SPTBN1: variants seen among roughly 807,000 people sequenced by gnomAD.
The protein encoded by SPTBN1 is spectrin beta chain, non-erythrocytic 1.
Under a neutral mutation model 266.4 loss-of-function variants are expected in SPTBN1, and 32 were observed. The ratio of observed to expected loss-of-function variants is 0.12; its 90% CI spans 0.09 to 0.16. The LOEUF (loss-of-function observed/expected upper bound fraction) is 0.16. Among genes scored for constraint, SPTBN1 ranks in the 10% least tolerant of loss-of-function variants. The pLI is 1.00. For missense variants in SPTBN1, 2,296 were observed against 3,067.1 expected (o/e 0.75, Z 5.94); for synonymous variants, 1,336 against 1,162.2 (o/e 1.15, Z -3.04).
chr2:54,549,632 A>G (rs549215455), intron 2 of SPTBN1, among the ~76,000 whole-genome samples: 54 of 152,316 alleles, frequency 3.5e-4, no homozygotes, highest in African/African-American at 5.3e-4. Context: ...GAGATAAGCA[A>G]TGCTCTCATA....
Position 54,649,923 on chromosome 2 carries a change from C to T in SPTBN1, c.5511C>T (p.Asn1837=). Residue 1837 remains asparagine (N), a synonymous_variant, in exon 26 of 36, where the codon AAC becomes AAT. Transcript: ENST00000356805. The surrounding 1 kb of genome is among the most constrained non-coding windows in gnomAD (Gnocchi z 6.7). ...CTGAGGAGCTTGGGAGAGATCAGAACACAGTGGAGACCTTACAGAGAATGC... is the reference window on the plus strand; with the variant it reads ...CTGAGGAGCTTGGGAGAGATCAGAATACAGTGGAGACCTTACAGAGAATGC... ...KLPEELGRDQ[N]TVETLQRMHT... 6.2e-7 allele frequency: 1 copy of T among 1,614,180 alleles called. No homozygotes were observed. The highest frequency in any genetic ancestry group is 1.1e-5 in the South Asian group (1 of 91,086).
intron 2 of SPTBN1, among the ~76,000 whole-genome samples, chr2:54,576,284 C>A (rs1259215951): frequency 6.6e-6 from 1 of 152,016 alleles, no homozygotes; most frequent in African/African-American, 2.4e-5. Context: ...AAACTCCTAA[C>A]CTCAGGTGAT....
chr2:54,458,382 C>T (rs1438748692), intron 1 of SPTBN1, among the ~76,000 whole-genome samples: 1 of 152,018 alleles, frequency 6.6e-6, no homozygotes, highest in Non-Finnish European at 1.5e-5. Flanking sequence ...AGTACAGTTG[C>T]ATTATTTGGA....
intron 1 of SPTBN1, among the ~76,000 whole-genome samples, chr2:54,480,850 G>T (rs1383181745): frequency 6.6e-6 from 1 of 152,190 alleles, no homozygotes; most frequent in African/African-American, 2.4e-5. Flanking sequence ...TTGCAGGGGA[G>T]TCCATTAGTT....
At chr2:54,638,639 G>A (rs148755961) in intron 18 of SPTBN1, among the ~76,000 whole-genome samples, 11 of 152,308 alleles carry the variant, frequency 7.2e-5, no homozygotes, top group African/African-American at 2.6e-4. Flanking sequence ...CTGATTTCAC[G>A]TGTGAGTTCG....
intron 2 of SPTBN1, among the ~76,000 whole-genome samples, chr2:54,570,503 G>A (rs1435814380): frequency 6.6e-6 from 1 of 152,186 alleles, no homozygotes; most frequent in East Asian, 1.9e-4. Context: ...CTGGTGGCAA[G>A]GAAATTACAT....
chr2:54,502,590 G>C (rs1289256868), intron 1 of SPTBN1, among the ~76,000 whole-genome samples: 4 of 152,212 alleles, frequency 2.6e-5, no homozygotes, highest in African/African-American at 9.7e-5. Flanking sequence ...CAAGGTTCTT[G>C]TACATCAGGA....
chr2:54,473,657 A>G (rs1255876264), intron 1 of SPTBN1, among the ~76,000 whole-genome samples: 1 of 152,108 alleles, frequency 6.6e-6, no homozygotes, highest in African/African-American at 2.4e-5. Context: ...TATATTTTGG[A>G]TAGTTTTCAC....
intron 1 of SPTBN1, among the ~76,000 whole-genome samples, chr2:54,467,261 T>G (rs1242381773): frequency 6.6e-6 from 1 of 151,584 alleles, no homozygotes; most frequent in Non-Finnish European, 1.5e-5. Flanking sequence ...TGGGGGGGCT[T>G]TTTTCTCTTT....
chr2:54,594,003 T>G (rs1675870048), intron 2 of SPTBN1, among the ~76,000 whole-genome samples: 1 of 151,948 alleles, frequency 6.6e-6, no homozygotes, highest in Admixed American at 6.6e-5. Context: ...CGGCTAATTT[T>G]TGTATTTTTA....
intron 2 of SPTBN1, chr2:54,529,766 A>G (rs747897074): frequency 7.3e-6 from 4 of 548,764 alleles, no homozygotes; most frequent in South Asian, 4.2e-5. Flanking sequence ...GCTCCTGATT[A>G]TGATGCTTTG....
At chr2:54,660,992 C>T in intron 32 of SPTBN1, 1 of 985,392 alleles carries the variant, frequency 1.0e-6, no homozygotes, top group African/African-American at 1.7e-5. Context: ...CATTGTGGTT[C>T]ATCCTGATTA....
intron 20 of SPTBN1, 154 bp downstream of exon 20, chr2:54,644,740 A>T (rs1475480140): frequency 9.8e-7 from 1 of 1,016,672 alleles, no homozygotes; most frequent in African/African-American, 1.6e-5. Flanking sequence ...GCATCGTAGA[A>T]CATTTCCAGA....
In SPTBN1 at chr2:54,558,543, C is replaced by T. The variant is rs1250097470; in HGVS notation, c.148+31977C>T. On this transcript the variant is annotated intron_variant, in intron 2 of 35. Coordinates refer to ENST00000356805, the MANE Select transcript of SPTBN1 (RefSeq NM_003128.3). This position sits in a 1 kb window ranked among gnomAD's most constrained non-coding sequence, Gnocchi z 4.6. ...TTTATTTCGAGCTTCCAGGCAAGGG[C>T]CACGGAAGAAGGGAAAGCAAGAAAT... is the stretch of plus-strand genomic sequence containing the variant. 2 of 1,287,854 alleles carry T rather than the reference C, an allele frequency of 1.6e-6. No homozygotes were observed. The highest frequency in any genetic ancestry group is 3.3e-5 in the East Asian group (1 of 30,014). The allele number at this position is 1,287,854 out of a possible 1,614,324, so 79.8% of individuals were successfully genotyped here. A position where few individuals can be genotyped will look rare whatever the true frequency, so the allele number is the denominator to read the frequency against.
At chr2:54,580,093 T>C (rs1193217177) in intron 2 of SPTBN1, among the ~76,000 whole-genome samples, 1 of 152,194 alleles carries the variant, frequency 6.6e-6, no homozygotes, top group Non-Finnish European at 1.5e-5. Context: ...TCTGACAGCC[T>C]CTGGCCCCAC....
In SPTBN1 at chr2:54,625,076, A is replaced by T. The variant is rs1284407612; in HGVS notation, c.1341+114A>T. On this transcript the variant is annotated intron_variant, in intron 11 of 35. Transcript: ENST00000356805. The stretch of plus-strand genomic sequence containing the variant: ...TGCTTATCGACATTCATTATTCTGG[A>T]GGAACGTCAGGTCACCTTGGCCCCT... The T allele has an allele frequency of 1.5e-5, 20 of 1,292,652 alleles. No individual in the cohort carries two copies. The East Asian group carries it at 5.0e-4, about 32-fold the overall frequency. 80.1% of individuals were successfully genotyped at this position (1,292,652 alleles called of 1,614,324 possible). A position where few individuals can be genotyped will look rare whatever the true frequency, so the allele number is the denominator to read the frequency against.
In SPTBN1 at chr2:54,628,793, T is replaced by C; in HGVS notation, c.1799-140T>C. On this transcript the variant is annotated intron_variant, in intron 13 of 35. Coordinates refer to ENST00000356805, the MANE Select transcript of SPTBN1 (RefSeq NM_003128.3). This position sits in a 1 kb window ranked among gnomAD's most constrained non-coding sequence, Gnocchi z 4.3. ...AGTTGTTAGAAGGTGCTCCATTGCCTTATCGCATGGCCCTGCATTTACATT... is the reference window on the plus strand; with the variant it reads ...AGTTGTTAGAAGGTGCTCCATTGCCCTATCGCATGGCCCTGCATTTACATT... 2 of 1,133,696 alleles carry C rather than the reference T, an allele frequency of 1.8e-6. No homozygotes were observed. Among genetic ancestry groups the C allele is most frequent in the Non-Finnish European group, 2.4e-6 (2 of 820,086 alleles). The allele number at this position is 1,133,696 out of a possible 1,614,324, so 70.2% of individuals were successfully genotyped here.
intron 1 of SPTBN1, among the ~76,000 whole-genome samples, chr2:54,494,135 A>G (rs542323174): frequency 1.3e-5 from 2 of 152,262 alleles, no homozygotes; most frequent in African/African-American, 4.8e-5. Context: ...GTTTTTACAT[A>G]ATTGTAATTA....
chr2:54,551,939 G>A (rs1573395046), intron 2 of SPTBN1, among the ~76,000 whole-genome samples: 1 of 152,120 alleles, frequency 6.6e-6, no homozygotes, highest in South Asian at 2.1e-4. Flanking sequence ...TTCATAGTAA[G>A]TATTGTGTTC....
Sources: allele counts gnomAD v4.1 joint callset (sites outside exome capture counted in the v4.1 genomes callset), GRCh38; gene constraint gnomAD v4.1.1; non-coding constraint Gnocchi (gnomAD v3.1); transcripts MANE v1.5; gene names NCBI Gene and HGNC (gene_info 2026-07-23, HGNC 2026-07-21).